Variants in FAM135A observed in about 807,000 individuals in gnomAD.
The protein encoded by FAM135A is family with sequence similarity 135 member A.
FAM135A carries 79 observed loss-of-function variants against 146.8 expected under a neutral mutation model. That is an observed-to-expected ratio of 0.54 (90% CI 0.45 to 0.65). The LOEUF (loss-of-function observed/expected upper bound fraction) is 0.65. FAM135A is among the 30% of genes least tolerant of loss of function. The probability of loss-of-function intolerance (pLI) is 0.00; values close to 1 mark genes in which losing one functional copy is unlikely to be tolerated. For synonymous variants in FAM135A, 562 were observed against 603.6 expected (o/e 0.93, Z 1.01); for missense variants, 1,623 against 1,758.2 (o/e 0.92, Z 1.38).
At chr6:70,434,478 C>T (rs1364779306) in intron 4 of FAM135A, among the ~76,000 whole-genome samples, 1 of 152,080 alleles carries the variant, frequency 6.6e-6, no homozygotes, top group Non-Finnish European at 1.5e-5. Context: ...ATGAATGCTG[C>T]TTTCTTCATT....
chr6:70,528,762 A>G (rs1795222298), intron 16 of FAM135A, among the ~76,000 whole-genome samples: 1 of 151,740 alleles, frequency 6.6e-6, no homozygotes, highest in Non-Finnish European at 1.5e-5. Context: ...TAGGTTTGTT[A>G]CATAGGTATA....
chr6:70,452,673 ACAT>A, intron 5 of FAM135A, 102 bp downstream of exon 5: 2 of 710,472 alleles, frequency 2.8e-6, no homozygotes, highest in Non-Finnish European at 4.4e-6. Context: ...TAATGGTATA[ACAT>A]CATTATGATA....
chr6:70,505,485 A>G (rs1446720734), intron 12 of FAM135A, among the ~76,000 whole-genome samples: 1 of 151,860 alleles, frequency 6.6e-6, no homozygotes, highest in African/African-American at 2.4e-5. Context: ...GGTTTGTATT[A>G]TATTTCCCGG....
chr6:70,524,532 A>G lies in FAM135A; in HGVS notation c.1448A>G (p.Lys483Arg). The G allele has an allele frequency of 6.4e-7, 1 of 1,550,830 alleles. No individual in the cohort carries two copies. Among genetic ancestry groups the G allele is most frequent in the Non-Finnish European group, 8.7e-7 (1 of 1,146,686 alleles). Residue 483 changes from lysine to arginine, a missense_variant, in exon 15 of 22, where the codon AAG becomes AGG. By Grantham distance (26) the Lys-to-Arg change is conservative (BLOSUM62 2). Coordinates refer to ENST00000418814, the MANE Select transcript of FAM135A (RefSeq NM_001162529.3). ...CAGCTAACAAAATCTCTAAAAGGAA[A>G]GAATGAAGAATCAAATAAATCCAAA... is the stretch of plus-strand genomic sequence containing the variant. Reference protein sequence around the residue: ...EKQLTKSLKGKNEESNKSKVK... With the variant: ...EKQLTKSLKGRNEESNKSKVK...
At chr6:70,425,066 A>C (rs1011463842) in intron 2 of FAM135A, among the ~76,000 whole-genome samples, 6 of 149,406 alleles carry the variant, frequency 4.0e-5, no homozygotes, top group African/African-American at 1.2e-4. Flanking sequence ...TTTAAGCATT[A>C]TGCTATTCAT....
chr6:70,516,831 A>G (rs1229058699), intron 12 of FAM135A, among the ~76,000 whole-genome samples: 6 of 152,168 alleles, frequency 3.9e-5, no homozygotes, highest in African/African-American at 1.4e-4. Context: ...CACCGTGCCC[A>G]GCCATAAAAT....
intron 21 of FAM135A, 45 bp downstream of exon 21, chr6:70,556,908 C>A: frequency 2.0e-6 from 3 of 1,523,292 alleles, no homozygotes; most frequent in Non-Finnish European, 1.8e-6. Flanking sequence ...TATTAATGAG[C>A]TCTTTCCAAA....
At position 70,524,622 on chromosome 6, in the gene FAM135A, A is replaced by T; in HGVS notation, c.1538A>T (p.Asn513Ile). 8 of 1,548,214 alleles carry T rather than the reference A, an allele frequency of 5.2e-6. No individual in the cohort carries two copies. Among genetic ancestry groups the T allele is most frequent in the Non-Finnish European group, 7.0e-6 (8 of 1,146,028 alleles). Residue 513 changes from asparagine (N) to isoleucine (I), a missense_variant, in exon 15 of 22, where the codon AAC becomes ATC. Coordinates refer to ENST00000418814, the MANE Select transcript of FAM135A (RefSeq NM_001162529.3). ...AACACAAAAAAATTAATAAAACAGA[A>T]CTCTAAGGATTCTGTGGTTTTGGTA... ...SENTKKLIKQ[N>I]SKDSVVLVGY...
chr6:70,436,873 A>G (rs1773287000), intron 4 of FAM135A, among the ~76,000 whole-genome samples: 1 of 152,148 alleles, frequency 6.6e-6, no homozygotes, highest in South Asian at 2.1e-4. Context: ...GGTCAAATTA[A>G]CTGTGGGAAA....
At chr6:70,529,640 G>C (rs1263549915) in intron 16 of FAM135A, among the ~76,000 whole-genome samples, 1 of 151,970 alleles carries the variant, frequency 6.6e-6, no homozygotes, top group Non-Finnish European at 1.5e-5. Context: ...AATTGTTCTA[G>C]AACAATGGAG....
chr6:70,515,363 T>C (rs1791958949), intron 12 of FAM135A, among the ~76,000 whole-genome samples: 1 of 152,230 alleles, frequency 6.6e-6, no homozygotes, highest in Non-Finnish European at 1.5e-5. Flanking sequence ...AAGATGTCCT[T>C]CAGTAGGTAA....
At chr6:70,488,597 C>A (rs990825926) in intron 10 of FAM135A, among the ~76,000 whole-genome samples, 1 of 151,946 alleles carries the variant, frequency 6.6e-6, no homozygotes, top group African/African-American at 2.4e-5. Context: ...AAAAATATAC[C>A]TGTAACTTTT....
intron 4 of FAM135A, among the ~76,000 whole-genome samples, chr6:70,429,444 C>T (rs2127780665): frequency 6.6e-6 from 1 of 151,942 alleles, no homozygotes; most frequent in African/African-American, 2.4e-5. Flanking sequence ...ATCCAGGAGA[C>T]AGAGTTTGCA....
chr6:70,414,700 G>T (rs780932488), intron 1 of FAM135A, among the ~76,000 whole-genome samples: 6 of 152,094 alleles, frequency 3.9e-5, no homozygotes, highest in Non-Finnish European at 8.8e-5. Context: ...TTTCTTTACC[G>T]GTTGGTGGAA....
chr6:70,462,474 A>G (rs1364325552), intron 5 of FAM135A, among the ~76,000 whole-genome samples: 2 of 152,308 alleles, frequency 1.3e-5, no homozygotes, highest in Non-Finnish European at 2.9e-5. Flanking sequence ...ATTAGTACTA[A>G]TAAGACTGAA....
At chr6:70,481,953 C>T in intron 9 of FAM135A, 48 bp from the exon 10 acceptor site, 1 of 1,511,944 alleles carries the variant, frequency 6.6e-7, no homozygotes, top group South Asian at 1.3e-5. Flanking sequence ...TCACATGTAA[C>T]ATTTTGTATT....
intron 2 of FAM135A, among the ~76,000 whole-genome samples, chr6:70,418,750 C>G (rs1768095699): frequency 6.6e-6 from 1 of 152,198 alleles, no homozygotes; most frequent in Non-Finnish European, 1.5e-5. Flanking sequence ...GAATGTAAAT[C>G]AAGAAATACG....
intron 20 of FAM135A, among the ~76,000 whole-genome samples, chr6:70,553,303 G>A (rs1158042564): frequency 6.6e-6 from 1 of 152,310 alleles, no homozygotes; most frequent in East Asian, 1.9e-4. Flanking sequence ...ATTAACAATA[G>A]TTCCATACTA....
At chr6:70,527,862 G>A (rs9455147) in intron 15 of FAM135A, among the ~76,000 whole-genome samples, 3,867 of 152,116 alleles carry the variant, frequency 0.025, 166 homozygotes, top group African/African-American at 0.089. Flanking sequence ...GTTACATTTT[G>A]TAAATCACTC....
Sources: gnomAD v4.1 joint callset for allele counts (sites outside exome capture counted in the v4.1 genomes callset) on GRCh38, gnomAD v4.1.1 for gene constraint, MANE v1.5 for transcripts, NCBI Gene and HGNC (gene_info 2026-07-23, HGNC 2026-07-21) for gene names.